CYP7B1: variants seen among roughly 807,000 people sequenced by gnomAD.
CYP7B1 encodes the protein cytochrome P450 7B1.
A neutral mutation model predicts 42.7 loss-of-function variants in CYP7B1; 29 were observed. The observed-to-expected ratio is 0.68, with a 90% CI of 0.51 to 0.93. CYP7B1 has a LOEUF of 0.93. CYP7B1 is among the 40% of genes least tolerant of loss of function. The pLI is 0.00. For missense variants in CYP7B1, 655 were observed against 600.5 expected (o/e 1.09, Z -0.95); for synonymous variants, 235 against 218.2 (o/e 1.08, Z -0.68).
chr8:64,670,414 AG>A (rs1281262798), intron 1 of CYP7B1, among the ~76,000 whole-genome samples: 1 of 152,220 alleles, frequency 6.6e-6, no homozygotes, highest in African/African-American at 2.4e-5. Flanking sequence ...AATGAAAAAA[AG>A]ATAGGCTTCT....
chr8:64,717,038 A>G (rs1807166029), intron 1 of CYP7B1, among the ~76,000 whole-genome samples: 2 of 152,338 alleles, frequency 1.3e-5, no homozygotes, highest in South Asian at 4.1e-4. Flanking sequence ...TAGCTTCTTA[A>G]TGTATTAACT....
chr8:64,741,321 T>C (rs1807563750), intron 1 of CYP7B1, among the ~76,000 whole-genome samples: 1 of 152,130 alleles, frequency 6.6e-6, no homozygotes, highest in Non-Finnish European at 1.5e-5. Context: ...TCACAGAGAT[T>C]TGAACATTTT....
chr8:64,682,710 T>A (rs1563389184), intron 1 of CYP7B1, among the ~76,000 whole-genome samples: 1 of 152,184 alleles, frequency 6.6e-6, no homozygotes, highest in Non-Finnish European at 1.5e-5. Context: ...TAGAGCGTGC[T>A]GTCCAGGCTA....
chr8:64,663,025 C>T (rs1203237633), intron 1 of CYP7B1, among the ~76,000 whole-genome samples: 1 of 152,212 alleles, frequency 6.6e-6, no homozygotes, highest in Non-Finnish European at 1.5e-5. Flanking sequence ...AGATTCTCTT[C>T]CCTATACACC....
chr8:64,596,513 A>G lies in CYP7B1; in HGVS notation c.*129T>C. The G allele has an allele frequency of 1.1e-6, 1 of 933,238 alleles. No individual in the cohort carries two copies. Among genetic ancestry groups the G allele is most frequent in the Non-Finnish European group, 1.6e-6 (1 of 628,632 alleles). 57.8% of individuals were successfully genotyped at this position (933,238 alleles called of 1,614,324 possible). The stretch of plus-strand genomic sequence containing the variant: ...ACTAAGGACAAACTGGACTGATATC[A>G]GATCAAATAGAAATTAGCGCTTTTT... On this transcript the variant is annotated 3_prime_UTR_variant, in exon 6 of 6. Transcript: ENST00000310193.
chr8:64,786,797 G>T (rs552320956), intron 1 of CYP7B1, among the ~76,000 whole-genome samples: 11 of 152,316 alleles, frequency 7.2e-5, no homozygotes, highest in Admixed American at 2.0e-4. Context: ...CTCCATGAGG[G>T]CTCCACCCCT....
intron 1 of CYP7B1, among the ~76,000 whole-genome samples, chr8:64,768,537 A>G (rs1804151262): frequency 6.6e-6 from 1 of 152,194 alleles, no homozygotes; most frequent in Admixed American, 6.5e-5. Flanking sequence ...TTGATAAACA[A>G]TCATCGAGTT....
chr8:64,791,129 G>T (rs1244067191), intron 1 of CYP7B1, among the ~76,000 whole-genome samples: 2 of 152,158 alleles, frequency 1.3e-5, no homozygotes, highest in African/African-American at 4.8e-5. Context: ...TAAACACCTT[G>T]ATCTTAGACT....
At chr8:64,680,183 G>GT (rs894077360) in intron 1 of CYP7B1, among the ~76,000 whole-genome samples, 50 of 151,012 alleles carry the variant, frequency 3.3e-4, no homozygotes, top group African/African-American at 9.0e-4. Context: ...TTATTTTATT[G>GT]TTTTTTTTCC....
intron 1 of CYP7B1, among the ~76,000 whole-genome samples, chr8:64,781,747 T>G (rs1804427334): frequency 6.6e-6 from 1 of 152,180 alleles, no homozygotes; most frequent in African/African-American, 2.4e-5. Context: ...AATTCCCCTT[T>G]GCCATGTAAC....
At chr8:64,737,053 G>A (rs1807500129) in intron 1 of CYP7B1, among the ~76,000 whole-genome samples, 1 of 152,152 alleles carries the variant, frequency 6.6e-6, no homozygotes, top group Non-Finnish European at 1.5e-5. Flanking sequence ...TCTGTGTACA[G>A]TGATTATATA....
At chr8:64,681,721 A>C (rs2129631956) in intron 1 of CYP7B1, among the ~76,000 whole-genome samples, 1 of 152,294 alleles carries the variant, frequency 6.6e-6, no homozygotes, top group Non-Finnish European at 1.5e-5. Flanking sequence ...CAGATTCTTC[A>C]GCCCAAATTG....
At chr8:64,790,154 G>A (rs1804594570) in intron 1 of CYP7B1, among the ~76,000 whole-genome samples, 1 of 152,028 alleles carries the variant, frequency 6.6e-6, no homozygotes, top group Admixed American at 6.6e-5. Flanking sequence ...ACACAAACAA[G>A]CAATAACCAA....
rs1023448433 is a variant in CYP7B1, at chr8:64,735,496, C to T, written c.122+62970G>A. Reference sequence around the variant, plus strand: ...TTGTTAGGTGTGCTTTTCCTGGTCACCTTTCCATAACTAACCTTTCCAAAA... The same window carrying T: ...TTGTTAGGTGTGCTTTTCCTGGTCATCTTTCCATAACTAACCTTTCCAAAA... On this transcript the variant is annotated intron_variant, in intron 1 of 5. Transcript: ENST00000310193. Among the ~76,000 whole-genome samples the T allele has an allele frequency of 2.0e-5, 3 of 152,150 alleles. No individual in the cohort carries two copies. In the East Asian group the frequency reaches 5.8e-4, roughly 29 times the overall value.
At chr8:64,717,783 G>A (rs1221317423) in intron 1 of CYP7B1, among the ~76,000 whole-genome samples, 3 of 151,886 alleles carry the variant, frequency 2.0e-5, no homozygotes, top group Non-Finnish European at 2.9e-5. Flanking sequence ...GAAAGTGGAG[G>A]GTACGATAAG....
intron 1 of CYP7B1, among the ~76,000 whole-genome samples, chr8:64,741,351 C>G (rs374667261): frequency 1.3e-5 from 2 of 151,742 alleles, no homozygotes; most frequent in South Asian, 2.1e-4. Context: ...GACAGTTTTG[C>G]TCTTGTTGCC....
chr8:64,770,024 C>T (rs1376038870), intron 1 of CYP7B1, among the ~76,000 whole-genome samples: 4 of 152,110 alleles, frequency 2.6e-5, no homozygotes, highest in Non-Finnish European at 5.9e-5. Flanking sequence ...GTCTCAATTA[C>T]ATTTGTGTGT....
At chr8:64,740,702 C>T (rs1396858800) in intron 1 of CYP7B1, among the ~76,000 whole-genome samples, 3 of 151,664 alleles carry the variant, frequency 2.0e-5, no homozygotes, top group Admixed American at 6.6e-5. Flanking sequence ...TTAAAAGATT[C>T]ATATAGGAAT....
intron 1 of CYP7B1, among the ~76,000 whole-genome samples, chr8:64,745,818 A>G (rs1251960589): frequency 6.6e-6 from 1 of 152,166 alleles, no homozygotes; most frequent in Non-Finnish European, 1.5e-5. Context: ...TGATTGCTCT[A>G]TAGTACGCTT....
Sources: allele counts gnomAD v4.1 joint callset (sites outside exome capture counted in the v4.1 genomes callset), GRCh38; gene constraint gnomAD v4.1.1; transcripts MANE v1.5; gene names NCBI Gene and HGNC (gene_info 2026-07-23, HGNC 2026-07-21).